Variants in CPA6 observed in about 807,000 individuals in gnomAD.
The protein encoded by CPA6 is carboxypeptidase B.
Under a neutral mutation model 63.3 loss-of-function variants are expected in CPA6, and 58 were observed. The observed-to-expected ratio is 0.92, with a 90% confidence interval of 0.74 to 1.14. The LOEUF is 1.14. CPA6 is among the 50% of genes most tolerant of loss of function. CPA6 has a pLI of 0.00. For synonymous variants in CPA6, 185 were observed against 179.0 expected (o/e 1.03, Z -0.27); for missense variants, 565 against 526.6 (o/e 1.07, Z -0.71).
At chr8:67,601,011 T>C (rs1814483220) in intron 2 of CPA6, among the ~76,000 whole-genome samples, 2 of 152,340 alleles carry the variant, frequency 1.3e-5, no homozygotes, top group Admixed American at 1.3e-4. Flanking sequence ...ATGTATATAA[T>C]AAAATCTTGA....
Position 67,573,891 on chromosome 8 carries a change from C to CAAAAAA in CPA6, c.192+50279_192+50284dup, listed in dbSNP as rs34145304. Among the ~76,000 whole-genome samples, 175 of 33,500 alleles carry CAAAAAA rather than the reference C, an allele frequency of 5.2e-3. 11 individuals are homozygous for CAAAAAA. Among genetic ancestry groups the CAAAAAA allele is most frequent in the African/African-American group, 0.018 (158 of 8,848 alleles). 22.0% of individuals were successfully genotyped at this position (33,500 alleles called of 152,430 possible). A position where few individuals can be genotyped will look rare whatever the true frequency, so the allele number is the denominator to read the frequency against. On this transcript the variant is annotated intron_variant, in intron 2 of 10. Coordinates refer to ENST00000297770, the MANE Select transcript of CPA6 (RefSeq NM_020361.5). The stretch of plus-strand genomic sequence containing the variant: ...TGGGCGACAGAGCAAGACTCCGTCT[C>CAAAAAA]AAAAAAAAAAAAAAAAAAAAAAAAA...
chr8:67,452,766 G>C (rs1201785903), intron 8 of CPA6: 2 of 152,246 alleles, frequency 1.3e-5, no homozygotes, highest in Non-Finnish European at 2.9e-5. Context: ...CTGGGGAGTT[G>C]GGTTGCAATG....
intron 2 of CPA6, among the ~76,000 whole-genome samples, chr8:67,604,001 G>T (rs1814562870): frequency 6.6e-6 from 1 of 152,176 alleles, no homozygotes; most frequent in Non-Finnish European, 1.5e-5. Context: ...ACAGTAATTT[G>T]ATTGGAAAGG....
At chr8:67,446,915 A>G (rs1197421600) in intron 8 of CPA6, among the ~76,000 whole-genome samples, 2 of 152,144 alleles carry the variant, frequency 1.3e-5, no homozygotes, top group Non-Finnish European at 2.9e-5. Context: ...GTAAACAAAT[A>G]CACATAGTTT....
intron 4 of CPA6, among the ~76,000 whole-genome samples, chr8:67,510,418 G>C (rs1587506262): frequency 1.3e-5 from 2 of 152,176 alleles, no homozygotes; most frequent in African/African-American, 4.8e-5. Flanking sequence ...GTGTGTGTGT[G>C]TGTGTGTGTG....
At chr8:67,689,198 G>A (rs781717200) in intron 1 of CPA6, among the ~76,000 whole-genome samples, 1 of 152,022 alleles carries the variant, frequency 6.6e-6, no homozygotes. Flanking sequence ...TTACCGTTAC[G>A]CCTGGTTCTC....
At chr8:67,444,385 G>T (rs974336900) in intron 8 of CPA6, among the ~76,000 whole-genome samples, 14 of 152,178 alleles carry the variant, frequency 9.2e-5, no homozygotes, top group Admixed American at 9.2e-4. Flanking sequence ...GACATGTTAA[G>T]TTTGGCTGCC....
At chr8:67,681,881 C>T (rs1177978120) in intron 1 of CPA6, among the ~76,000 whole-genome samples, 2 of 151,610 alleles carry the variant, frequency 1.3e-5, no homozygotes, top group African/African-American at 4.9e-5. Context: ...CTTTTCCAGG[C>T]TCTTTCATTT....
rs375558764 is a variant in CPA6, at chr8:67,606,405, T to C, written c.192+17771A>G. Among the ~76,000 whole-genome samples, 223 of 152,272 alleles carry C rather than the reference T, an allele frequency of 1.5e-3. 1 individual carries two copies. Among genetic ancestry groups the C allele is most frequent in the African/African-American group, 5.1e-3 (213 of 41,554 alleles). On this transcript the variant is annotated intron_variant, in intron 2 of 10. Coordinates refer to ENST00000297770, the MANE Select transcript of CPA6 (RefSeq NM_020361.5). ...TTGATGACTAGTCACTATGCTCTTT[T>C]ACTCACTATATATCTGCTTGAGAGG...
intron 1 of CPA6, among the ~76,000 whole-genome samples, chr8:67,624,561 G>A (rs1815155642): frequency 6.6e-6 from 1 of 152,226 alleles, no homozygotes; most frequent in African/African-American, 2.4e-5. Context: ...GAGCTGCTCA[G>A]AGCAGATACC....
rs1209605914 is a variant in CPA6 at position 67,649,882 on chromosome 8, G to A, written c.117-25631C>T. ...CTTAAGGAAAAGGAAAGGGAAAGCG[G>A]CAAAGTGACAACATTGCAAGCAGCC... On this transcript the variant is annotated intron_variant, in intron 1 of 10. Transcript: ENST00000297770. Among the ~76,000 whole-genome samples, 4 of 152,130 alleles carry A rather than the reference G, an allele frequency of 2.6e-5. No individual in the cohort carries two copies. The South Asian group carries it at 6.2e-4, about 24-fold the overall frequency.
At chr8:67,541,663 T>C (rs1812709215) in intron 2 of CPA6, among the ~76,000 whole-genome samples, 2 of 152,186 alleles carry the variant, frequency 1.3e-5, no homozygotes, top group Non-Finnish European at 2.9e-5. Flanking sequence ...AATAAAGCCC[T>C]TCTTTAACTC....
At chr8:67,712,174 A>C (rs1817277627) in intron 1 of CPA6, among the ~76,000 whole-genome samples, 3 of 152,110 alleles carry the variant, frequency 2.0e-5, no homozygotes, top group Non-Finnish European at 4.4e-5. Flanking sequence ...GCATGGACAG[A>C]GCTCTAGCCC....
chr8:67,436,789 T>G (rs1196675306), intron 8 of CPA6, among the ~76,000 whole-genome samples: 1 of 152,184 alleles, frequency 6.6e-6, no homozygotes, highest in Non-Finnish European at 1.5e-5. Flanking sequence ...TGGAAATAAT[T>G]AGATTTTCCA....
At chr8:67,744,739 C>A (rs1354891426) in intron 1 of CPA6, among the ~76,000 whole-genome samples, 1 of 152,136 alleles carries the variant, frequency 6.6e-6, no homozygotes, top group Admixed American at 6.5e-5. Context: ...CACAAATTAT[C>A]GGAGGTAAAG....
At chr8:67,719,803 GTGGC>G in intron 1 of CPA6, among the ~76,000 whole-genome samples, 1 of 152,274 alleles carries the variant, frequency 6.6e-6, no homozygotes, top group South Asian at 2.1e-4. Flanking sequence ...TTGATTCTGC[GTGGC>G]TGGGTTTCTC....
intron 1 of CPA6, among the ~76,000 whole-genome samples, chr8:67,723,880 C>T (rs1315164026): frequency 6.6e-6 from 1 of 151,882 alleles, no homozygotes; most frequent in Non-Finnish European, 1.5e-5. Flanking sequence ...AACTAAATAC[C>T]ACAAAGAAAG....
At chr8:67,577,165 A>G (rs1813648810) in intron 2 of CPA6, among the ~76,000 whole-genome samples, 1 of 152,126 alleles carries the variant, frequency 6.6e-6, no homozygotes, top group Admixed American at 6.6e-5. Context: ...TGAGTCATTT[A>G]AACGGAATCC....
At chr8:67,640,897 T>G (rs1373966003) in intron 1 of CPA6, among the ~76,000 whole-genome samples, 1 of 151,636 alleles carries the variant, frequency 6.6e-6, no homozygotes, top group East Asian at 1.9e-4. Context: ...GGCTGTGCCT[T>G]CAGCAGGGTG....
Sources: gnomAD v4.1 joint callset for allele counts (sites outside exome capture counted in the v4.1 genomes callset) on GRCh38, gnomAD v4.1.1 for gene constraint, MANE v1.5 for transcripts, NCBI Gene and HGNC (gene_info 2026-07-23, HGNC 2026-07-21) for gene names.